The following SUCLG2 variants were observed in gnomAD, a reference collection of about 807,000 sequenced individuals.
SUCLG2 encodes succinate-CoA ligase GDP-forming subunit beta.
In SUCLG2, 42 loss-of-function variants were observed where a neutral mutation model predicts 47.9. The observed-to-expected ratio is 0.88, with a 90% CI of 0.69 to 1.14. The LOEUF (loss-of-function observed/expected upper bound fraction) is 1.14, where lower values mean the gene tolerates loss of function less well. Among genes scored for constraint, SUCLG2 ranks in the 50% most tolerant of loss-of-function variants. The pLI, the probability that SUCLG2 is intolerant of heterozygous loss-of-function variation, is 0.00. For missense variants in SUCLG2, 571 were observed against 525.9 expected (o/e 1.09, Z -0.84); for synonymous variants, 195 against 197.3 (o/e 0.99, Z 0.10).
intron 9 of SUCLG2, among the ~76,000 whole-genome samples, chr3:67,406,385 C>T (rs750587510): frequency 3.4e-4 from 52 of 152,122 alleles, no homozygotes; most frequent in African/African-American, 2.9e-4. Flanking sequence ...CTGCAAACCA[C>T]GATAATAGTT....
intron 9 of SUCLG2, chr3:67,408,777 T>C: frequency 7.4e-7 from 1 of 1,355,098 alleles, no homozygotes; most frequent in Non-Finnish European, 9.4e-7. Context: ...TTATGTATTA[T>C]AACTTTCCCT....
intron 1 of SUCLG2, among the ~76,000 whole-genome samples, chr3:67,612,715 G>A (rs1297394624): frequency 2.0e-5 from 3 of 152,060 alleles, no homozygotes; most frequent in South Asian, 2.1e-4. Context: ...AGGCGATGCC[G>A]TATCTACTAC....
intron 4 of SUCLG2, among the ~76,000 whole-genome samples, chr3:67,526,272 A>G (rs1317538497): frequency 6.6e-6 from 1 of 152,226 alleles, no homozygotes; most frequent in East Asian, 1.9e-4. Flanking sequence ...CACTAACACT[A>G]ACAATAGCTG....
chr3:67,368,051 C>T (rs1575651698), intron 10 of SUCLG2, among the ~76,000 whole-genome samples: 2 of 152,162 alleles, frequency 1.3e-5, no homozygotes, highest in East Asian at 3.8e-4. Context: ...ATTCCATTTA[C>T]TACTTTTAGA....
chr3:67,555,066 G>A (rs1276223763), intron 2 of SUCLG2, among the ~76,000 whole-genome samples: 1 of 152,120 alleles, frequency 6.6e-6, no homozygotes, highest in Admixed American at 6.6e-5. Flanking sequence ...GTTGTGGGCA[G>A]AAGAGACAGA....
chr3:67,631,911 C>T (rs1459215069), intron 1 of SUCLG2, among the ~76,000 whole-genome samples: 1 of 152,162 alleles, frequency 6.6e-6, no homozygotes, highest in Non-Finnish European at 1.5e-5. Context: ...CAATGACCCT[C>T]GATCTAAAAC....
chr3:67,487,497 T>TA (rs780375893), intron 9 of SUCLG2, among the ~76,000 whole-genome samples: 58 of 55,076 alleles, frequency 1.1e-3, no homozygotes, highest in Non-Finnish European at 1.8e-3. Flanking sequence ...CAAACACACA[T>TA]ATACACACAC....
chr3:67,627,823 A>G (rs1053410224), intron 1 of SUCLG2, among the ~76,000 whole-genome samples: 5 of 152,294 alleles, frequency 3.3e-5, no homozygotes, highest in African/African-American at 1.2e-4. Context: ...GGAGCCACTG[A>G]AACCAGCCAA....
intron 4 of SUCLG2, among the ~76,000 whole-genome samples, chr3:67,521,203 G>A (rs1160819779): frequency 6.6e-6 from 1 of 152,156 alleles, no homozygotes; most frequent in Non-Finnish European, 1.5e-5. Context: ...ATATATAAAT[G>A]AGAAAGTGAA....
At chr3:67,448,941 A>T (rs181899549) in intron 9 of SUCLG2, among the ~76,000 whole-genome samples, 1 of 152,230 alleles carries the variant, frequency 6.6e-6, no homozygotes, top group East Asian at 1.9e-4. Flanking sequence ...GATAGTAATG[A>T]ACACAGAATT....
At chr3:67,502,732 A>G (rs1479576062) in intron 7 of SUCLG2, among the ~76,000 whole-genome samples, 2 of 152,216 alleles carry the variant, frequency 1.3e-5, no homozygotes, top group Non-Finnish European at 2.9e-5. Flanking sequence ...TTCTGTTTAG[A>G]GCAAATCTAA....
chr3:67,483,595 C>T (rs151279274), intron 9 of SUCLG2, among the ~76,000 whole-genome samples: 1 of 152,316 alleles, frequency 6.6e-6, no homozygotes, highest in Non-Finnish European at 1.5e-5. Context: ...TAAAATGGCA[C>T]CTCCAGTGAA....
intron 1 of SUCLG2, among the ~76,000 whole-genome samples, chr3:67,613,056 C>A (rs915428863): frequency 6.6e-6 from 1 of 152,186 alleles, no homozygotes; most frequent in African/African-American, 2.4e-5. Context: ...GCAGATACCG[C>A]CACATATTTG....
At chr3:67,438,673 C>G (rs541760846) in intron 9 of SUCLG2, among the ~76,000 whole-genome samples, 1 of 152,250 alleles carries the variant, frequency 6.6e-6, no homozygotes, top group African/African-American at 2.4e-5. Context: ...TACACCCTCC[C>G]AAGACTAAAG....
intron 10 of SUCLG2, among the ~76,000 whole-genome samples, chr3:67,392,359 G>T (rs571260259): frequency 1.1e-4 from 17 of 152,164 alleles, no homozygotes; most frequent in African/African-American, 3.9e-4. Flanking sequence ...CCATGCTGCC[G>T]TCAAGCCTCA....
chr3:67,513,783 CTGT>C (rs777423974), intron 6 of SUCLG2, among the ~76,000 whole-genome samples: 134 of 152,140 alleles, frequency 8.8e-4, no homozygotes, highest in Non-Finnish European at 1.5e-3. Context: ...GTTATTTTGT[CTGT>C]TAAGTAATTT....
At chr3:67,414,720 G>T (rs1703001160) in intron 9 of SUCLG2, among the ~76,000 whole-genome samples, 1 of 152,136 alleles carries the variant, frequency 6.6e-6, no homozygotes, top group Non-Finnish European at 1.5e-5. Context: ...TGCTTAATCT[G>T]TGTATCTCCC....
chr3:67,626,293 CTA>C (rs1700828083), intron 1 of SUCLG2, among the ~76,000 whole-genome samples: 1 of 150,790 alleles, frequency 6.6e-6, no homozygotes, highest in South Asian at 2.1e-4. Flanking sequence ...CACCCGGCCA[CTA>C]GGGTTATCTT....
intron 2 of SUCLG2, among the ~76,000 whole-genome samples, chr3:67,598,038 T>C (rs1195211458): frequency 6.6e-6 from 1 of 151,936 alleles, no homozygotes; most frequent in Non-Finnish European, 1.5e-5. Context: ...TGGAGTGCAG[T>C]GGCACAATCT....
Sources: allele counts gnomAD v4.1 joint callset (sites outside exome capture counted in the v4.1 genomes callset), GRCh38; gene constraint gnomAD v4.1.1; transcripts MANE v1.5; gene names NCBI Gene and HGNC (gene_info 2026-07-23, HGNC 2026-07-21).